Variants in KIF2B observed in about 807,000 individuals in gnomAD.
The protein encoded by KIF2B is kinesin family member 2B.
Under a neutral mutation model 6.8 loss-of-function variants are expected in KIF2B, and 5 were observed. That is an observed-to-expected ratio of 0.74 (90% CI 0.39 to 1.55). The LOEUF is 1.55. KIF2B is among the 40% of genes most tolerant of loss of function. The pLI is 0.03. For missense variants in KIF2B, 908 were observed against 831.3 expected, an observed-to-expected ratio of 1.09 and a Z score of -1.13; for synonymous variants, 370 against 330.7, an observed-to-expected ratio of 1.12 and a Z score of -1.29.
In KIF2B at chr17:53,823,659, C is replaced by G; in HGVS notation, c.626C>G (p.Pro209Arg). The G allele has an allele frequency of 1.2e-6, 2 of 1,614,010 alleles. No homozygotes were observed. The highest frequency in any genetic ancestry group is 8.5e-7 in the Non-Finnish European group (1 of 1,180,044). The change falls in exon 1 of 1, where the codon CCG becomes CGG. Residue 209 changes from proline to arginine, a missense_variant. Pro to Arg is a moderately radical substitution (Grantham distance 103). Transcript: ENST00000268919. ...AGCAAGATCTCAGTCCTGGAGCCCCCGCAAGAACATCGCATCTGCGTCTGC... is the reference window on the plus strand; with the variant it reads ...AGCAAGATCTCAGTCCTGGAGCCCCGGCAAGAACATCGCATCTGCGTCTGC... ...DSSKISVLEP[P>R]QEHRICVCVR...
In KIF2B at chr17:53,824,652, TA is replaced by T; in HGVS notation, c.1626del (p.Lys542AsnfsTer2). On this transcript the variant is annotated frameshift_variant, in exon 1 of 1. Coordinates refer to ENST00000268919, the MANE Select transcript of KIF2B (RefSeq NM_032559.5). LOFTEE classifies it low-confidence loss of function (END_TRUNC). ...AACACTTTAAGATATGCAAACAGAG[TA>T]AAAAAATTAAATGTAGATGTAAGGC... is the stretch of plus-strand genomic sequence containing the variant. ...TLNTLRYANR[V>X]KKLNVDVRPY... 1.2e-6 allele frequency: 2 copies of T among 1,613,804 alleles called. No homozygotes were observed. The highest frequency in any genetic ancestry group is 2.2e-5 in the South Asian group (2 of 91,054).
Position 53,823,125 on chromosome 17 carries a change from A to C in KIF2B, c.92A>C (p.Tyr31Ser), listed in dbSNP as rs772212177. The C allele has an allele frequency of 1.1e-5, 17 of 1,614,062 alleles. No individual in the cohort carries two copies. The South Asian group carries it at 1.9e-4, about 18-fold the overall frequency. Residue 31 changes from tyrosine to serine, a missense_variant, in exon 1 of 1, where the codon TAC (tyrosine) becomes TCC (serine). Coordinates refer to ENST00000268919, the MANE Select transcript of KIF2B (RefSeq NM_032559.5). ...TTCGGAGACATCCAAGAGGGCATCTACGTGGCGATCCAGCGCAGTGACAAG... is the reference window on the plus strand; with the variant it reads ...TTCGGAGACATCCAAGAGGGCATCTCCGTGGCGATCCAGCGCAGTGACAAG... ...PHFGDIQEGI[Y>S]VAIQRSDKRI... is the part of the protein sequence containing the mutation.
In KIF2B at chr17:53,823,861, C is replaced by T. The variant is rs1417694993; in HGVS notation, c.828C>T (p.Asn276=). 1.9e-6 allele frequency: 3 copies of T among 1,614,240 alleles called. No individual in the cohort carries two copies. Among genetic ancestry groups the T allele is most frequent in the South Asian group, 1.1e-5 (1 of 91,084 alleles). The change falls in exon 1 of 1, where the codon AAC becomes AAT. Residue 276 remains asparagine (N), a synonymous_variant. Coordinates refer to ENST00000268919, the MANE Select transcript of KIF2B (RefSeq NM_032559.5). ...ATGCCTTCGATGACAAAGCCTCCAA[C>T]GAGTTGGTGTACCAGTTCACCGCCC... The part of the protein sequence containing the change: ...FDHAFDDKAS[N]ELVYQFTAQP...
rs141437489 is a variant in KIF2B, at chr17:53,823,822, C to T, written c.789C>T (p.Thr263=). The part of the protein sequence containing the change: ...VDLTRYLQNQ[T]FCFDHAFDDK... ...TCACTCGCTACCTGCAGAACCAGAC[C>T]TTCTGCTTCGACCATGCCTTCGATG... Residue 263 remains threonine, a synonymous_variant, in exon 1 of 1, where the codon ACC becomes ACT. Transcript: ENST00000268919. 1.9e-6 allele frequency: 3 copies of T among 1,614,196 alleles called. No individual in the cohort carries two copies. The African/African-American group carries it at 4.0e-5, about 22-fold the overall frequency.
rs2143780952 is a variant in KIF2B, at chr17:53,823,663, A to G, written c.630A>G (p.Gln210=). 6.2e-7 allele frequency: 1 copy of G among 1,614,134 alleles called. No individual in the cohort carries two copies. Among genetic ancestry groups the G allele is most frequent in the Non-Finnish European group, 8.5e-7 (1 of 1,180,042 alleles). The change falls in exon 1 of 1, where the codon CAA becomes CAG. Residue 210 remains glutamine, a synonymous_variant. Transcript: ENST00000268919. ...AGATCTCAGTCCTGGAGCCCCCGCA[A>G]GAACATCGCATCTGCGTCTGCGTGA... ...SSKISVLEPP[Q]EHRICVCVRK...
Position 53,824,997 on chromosome 17 carries a change from T to C in KIF2B, c.1964T>C (p.Ile655Thr). ...LEQKIDALTE[I>T]QKKLKLLLAD... Reference sequence around the variant, plus strand: ...CAGAAAATTGATGCTCTGACCGAGATCCAAAAGAAACTGAAATTATTACTA... The same window carrying C: ...CAGAAAATTGATGCTCTGACCGAGACCCAAAAGAAACTGAAATTATTACTA... The change falls in exon 1 of 1, where the codon ATC becomes ACC. Residue 655 changes from isoleucine to threonine, a missense_variant. Ile to Thr is a moderately conservative substitution (Grantham distance 89). Transcript: ENST00000268919. The C allele has an allele frequency of 6.2e-7, 1 of 1,613,718 alleles. No homozygotes were observed. Among genetic ancestry groups the C allele is most frequent in the Middle Eastern group, 1.7e-4 (1 of 6,058 alleles).
rs2143780461 is a variant in KIF2B at position 53,823,574 on chromosome 17, A to G, written c.541A>G (p.Arg181Gly). The change falls in exon 1 of 1, where the codon AGA becomes GGA. Residue 181 changes from arginine (R) to glycine (G), a missense_variant. Coordinates refer to ENST00000268919, the MANE Select transcript of KIF2B (RefSeq NM_032559.5). ...TAGACGCGCCCTCGATGTCAATACCAGAAACCCCAACTACGAAATCATGCA... is the reference window on the plus strand; with the variant it reads ...TAGACGCGCCCTCGATGTCAATACCGGAAACCCCAACTACGAAATCATGCA... The part of the protein sequence containing the change: ...RARRALDVNT[R>G]NPNYEIMHMI... The G allele has an allele frequency of 6.2e-7, 1 of 1,613,306 alleles. No homozygotes were observed. Among genetic ancestry groups the G allele is most frequent in the Non-Finnish European group, 8.5e-7 (1 of 1,180,010 alleles).
In KIF2B at chr17:53,823,482, T is replaced by A. The variant is rs1906462307; in HGVS notation, c.449T>A (p.Leu150His). The stretch of plus-strand genomic sequence containing the variant: ...ATGAAGCAGAAAAAGTCTCCCTGCC[T>A]CTGGGAAATCCAGAAACTGCAGGAG... ...CLMKQKKSPCLWEIQKLQEQR... is the reference protein window; with the variant it reads ...CLMKQKKSPCHWEIQKLQEQR... The change falls in exon 1 of 1, where the codon CTC becomes CAC. Residue 150 changes from leucine (L) to histidine (H), a missense_variant. Coordinates refer to ENST00000268919, the MANE Select transcript of KIF2B (RefSeq NM_032559.5). 6.2e-7 allele frequency: 1 copy of A among 1,614,030 alleles called. No individual in the cohort carries two copies. The highest frequency in any genetic ancestry group is 1.3e-5 in the African/African-American group (1 of 74,932).
rs2143784059 is a variant in KIF2B, at chr17:53,824,202, A to G, written c.1169A>G (p.Gln390Arg). Residue 390 changes from glutamine (Q) to arginine (R), a missense_variant, in exon 1 of 1, where the codon CAG (glutamine) becomes CGG (arginine). By Grantham distance (43) the Gln-to-Arg change is conservative. Transcript: ENST00000268919. The part of the protein sequence containing the change: ...GNQQIQVVGL[Q>R]EKEVCCVEEV... ...CAGCAAATCCAAGTGGTCGGGCTGCAGGAGAAAGAGGTGTGTTGTGTGGAG... is the reference window on the plus strand; with the variant it reads ...CAGCAAATCCAAGTGGTCGGGCTGCGGGAGAAAGAGGTGTGTTGTGTGGAG... 1.2e-6 allele frequency: 2 copies of G among 1,614,208 alleles called. No homozygotes were observed. The highest frequency in any genetic ancestry group is 1.7e-6 in the Non-Finnish European group (2 of 1,180,038).
In KIF2B at chr17:53,825,089, C is replaced by A; in HGVS notation, c.*34C>A. Reference sequence around the variant, plus strand: ...GCGAGAGATCAGGTCCGAAATGCTGCATTGCTGCAGTTTCCACCACTCTTA... The same window carrying A: ...GCGAGAGATCAGGTCCGAAATGCTGAATTGCTGCAGTTTCCACCACTCTTA... On this transcript the variant is annotated 3_prime_UTR_variant, in exon 1 of 1. Coordinates refer to ENST00000268919, the MANE Select transcript of KIF2B (RefSeq NM_032559.5). The A allele has an allele frequency of 6.8e-7, 1 of 1,481,110 alleles. No homozygotes were observed. Among genetic ancestry groups the A allele is most frequent in the Non-Finnish European group, 9.2e-7 (1 of 1,082,910 alleles). The allele number at this position is 1,481,110 out of a possible 1,614,324, so 91.7% of individuals were successfully genotyped here.
Position 53,823,433 on chromosome 17 carries a change from A to C in KIF2B, c.400A>C (p.Arg134=), listed in dbSNP as rs373634973. ...QTASGDSLDV[R]VPSKPCLMKQ... is the part of the protein sequence containing the mutation. ...AGCCTCAGGGGACAGCCTGGATGTG[A>C]GGGTCCCCAGCAAACCTTGTCTGAT... The change falls in exon 1 of 1, where the codon AGG becomes CGG. Residue 134 remains arginine (R), a synonymous_variant. Transcript: ENST00000268919. 2.5e-6 allele frequency: 4 copies of C among 1,614,014 alleles called. No homozygotes were observed. Among genetic ancestry groups the C allele is most frequent in the Non-Finnish European group, 3.4e-6 (4 of 1,180,046 alleles).
rs941205329 is a variant in KIF2B, at chr17:53,823,145, G to T, written c.112G>T (p.Asp38Tyr). 1.2e-6 allele frequency: 2 copies of T among 1,614,208 alleles called. No homozygotes were observed. Reference sequence around the variant, plus strand: ...CATCTACGTGGCGATCCAGCGCAGTGACAAGCGGATCCACCTCGCTGTGGT... The same window carrying T: ...CATCTACGTGGCGATCCAGCGCAGTTACAAGCGGATCCACCTCGCTGTGGT... The part of the protein sequence containing the change: ...EGIYVAIQRS[D>Y]KRIHLAVVTE... Residue 38 changes from aspartate to tyrosine, a missense_variant, in exon 1 of 1, where the codon GAC becomes TAC. Asp to Tyr is a radical substitution (Grantham distance 160, BLOSUM62 -3). Coordinates refer to ENST00000268919, the MANE Select transcript of KIF2B (RefSeq NM_032559.5).
chr17:53,823,699 T>G lies in KIF2B; in HGVS notation c.666T>G (p.Pro222=). Residue 222 remains proline (P), a synonymous_variant, in exon 1 of 1, where the codon CCT becomes CCG. Transcript: ENST00000268919. ...TCTGCGTCTGCGTGAGGAAGCGGCC[T>G]CTCAACCAGCGAGAGACAACCTTAA... The part of the protein sequence containing the change: ...HRICVCVRKR[P]LNQRETTLKD... 6.2e-7 allele frequency: 1 copy of G among 1,614,122 alleles called. No individual in the cohort carries two copies. Among genetic ancestry groups the G allele is most frequent in the Non-Finnish European group, 8.5e-7 (1 of 1,180,022 alleles).
chr17:53,823,367 G>C lies in KIF2B; in HGVS notation c.334G>C (p.Ala112Pro), dbSNP rs753464095. The C allele has an allele frequency of 5.8e-5, 94 of 1,613,898 alleles. No individual in the cohort carries two copies. The highest frequency in any genetic ancestry group is 6.9e-5 in the Non-Finnish European group (82 of 1,180,002). The change falls in exon 1 of 1, where the codon GCC (alanine) becomes CCC (proline). Residue 112 changes from alanine to proline, a missense_variant. Ala to Pro is a conservative substitution (Grantham distance 27). Coordinates refer to ENST00000268919, the MANE Select transcript of KIF2B (RefSeq NM_032559.5). Reference protein sequence around the residue: ...PSSAIRDQRTATKWVAMIPQK... With the variant: ...PSSAIRDQRTPTKWVAMIPQK... ...TTCGGCCATCAGGGACCAGCGTACC[G>C]CCACGAAATGGGTTGCGATGATCCC...
chr17:53,824,671 T>C lies in KIF2B; in HGVS notation c.1638T>C (p.Asp546=). ...YANRVKKLNV[D]VRPYHRGHYP... ...ACAGAGTAAAAAAATTAAATGTAGATGTAAGGCCCTACCATCGTGGCCACT... is the reference window on the plus strand; with the variant it reads ...ACAGAGTAAAAAAATTAAATGTAGACGTAAGGCCCTACCATCGTGGCCACT... Residue 546 remains aspartate (D), a synonymous_variant, in exon 1 of 1, where the codon GAT becomes GAC. Transcript: ENST00000268919. 1 of 1,614,134 alleles carries C rather than the reference T, an allele frequency of 6.2e-7. No homozygotes were observed. Among genetic ancestry groups the C allele is most frequent in the Non-Finnish European group, 8.5e-7 (1 of 1,180,024 alleles).
rs750752108 is a variant in KIF2B at position 53,824,394 on chromosome 17, G to A, written c.1361G>A (p.Gly454Glu). Residue 454 changes from glycine (G) to glutamate (E), a missense_variant, in exon 1 of 1, where the codon GGA (glycine) becomes GAA (glutamate). Gly to Glu is a moderately conservative substitution (Grantham distance 98). Transcript: ENST00000268919. The part of the protein sequence containing the change: ...SLVDLAGNER[G>E]ADTTKASRKR... ...GTTGATTTAGCTGGGAATGAAAGAG[G>A]AGCAGATACAACCAAGGCCAGCCGG... 4 of 1,614,006 alleles carry A rather than the reference G, an allele frequency of 2.5e-6. No individual in the cohort carries two copies. The highest frequency in any genetic ancestry group is 2.2e-5 in the East Asian group (1 of 44,872).
In KIF2B at chr17:53,824,826, T is replaced by C. The variant is rs974799950; in HGVS notation, c.1793T>C (p.Val598Ala). ...QSEEQKEIEEVETLPTLLGKD... is the reference protein window; with the variant it reads ...QSEEQKEIEEAETLPTLLGKD... ...GAGGAGCAGAAAGAGATTGAAGAGG[T>C]TGAAACATTACCCACTCTGTTAGGG... The change falls in exon 1 of 1, where the codon GTT becomes GCT. Residue 598 changes from valine to alanine, a missense_variant. Physicochemically the swap from Val to Ala is moderately conservative, Grantham distance 64. Coordinates refer to ENST00000268919, the MANE Select transcript of KIF2B (RefSeq NM_032559.5). 10 of 1,613,728 alleles carry C rather than the reference T, an allele frequency of 6.2e-6. No individual in the cohort carries two copies. Among genetic ancestry groups the C allele is most frequent in the Non-Finnish European group, 8.5e-6 (10 of 1,179,844 alleles).
Position 53,824,921 on chromosome 17 carries a change from G to T in KIF2B, c.1888G>T (p.Val630Leu). ...LENIQERAGGVHHDIDFCIAR... is the reference protein window; with the variant it reads ...LENIQERAGGLHHDIDFCIAR... ...AAACATCCAGGAGAGAGCTGGTGGAGTACACCATGATATTGATTTTTGCAT... is the reference window on the plus strand; with the variant it reads ...AAACATCCAGGAGAGAGCTGGTGGATTACACCATGATATTGATTTTTGCAT... The change falls in exon 1 of 1, where the codon GTA becomes TTA. Residue 630 changes from valine (V) to leucine (L), a missense_variant. Physicochemically the swap from Val to Leu is conservative, Grantham distance 32. Transcript: ENST00000268919. 1 of 1,614,094 alleles carries T rather than the reference G, an allele frequency of 6.2e-7. No individual in the cohort carries two copies. The highest frequency in any genetic ancestry group is 1.1e-5 in the South Asian group (1 of 91,070).
At position 53,824,434 on chromosome 17, in the gene KIF2B, A is replaced by AG. The variant is rs1432953848; in HGVS notation, c.1405dup (p.Ala469GlyfsTer4). On this transcript the variant is annotated frameshift_variant, in exon 1 of 1. Transcript: ENST00000268919. LOFTEE classifies it low-confidence loss of function (END_TRUNC). ...AGGCCAGCCGGAAAAGGCAGCTGGA[A>AG]GGGGCAGAGATTAACAAGAGTCTTC... 1 of 1,614,108 alleles carries AG rather than the reference A, an allele frequency of 6.2e-7. No homozygotes were observed. The highest frequency in any genetic ancestry group is 1.7e-5 in the Admixed American group (1 of 60,022).
Sources: gnomAD v4.1 joint callset for allele counts on GRCh38, gnomAD v4.1.1 for gene constraint, MANE v1.5 for transcripts, NCBI Gene and HGNC (gene_info 2026-07-23, HGNC 2026-07-21) for gene names.